Variants in ST3GAL3 observed in about 807,000 individuals in gnomAD.
ST3GAL3 encodes CMP-N-acetylneuraminate-beta-1,4-galactoside alpha-2,3-sialyltransferase.
A neutral mutation model predicts 50.1 loss-of-function variants in ST3GAL3; 21 were observed. The observed-to-expected ratio is 0.42, with a 90% CI of 0.30 to 0.60. The LOEUF is 0.60. Among genes scored for constraint, ST3GAL3 ranks in the 20% least tolerant of loss-of-function variants. The probability of loss-of-function intolerance (pLI) is 0.19; values close to 1 mark genes in which losing one functional copy is unlikely to be tolerated. For missense variants in ST3GAL3, 353 were observed against 489.4 expected, an observed-to-expected ratio of 0.72 and a Z score of 2.63; for synonymous variants, 183 against 190.0, an observed-to-expected ratio of 0.96 and a Z score of 0.30.
intron 3 of ST3GAL3, among the ~76,000 whole-genome samples, chr1:43,808,838 A>G (rs1454910006): frequency 6.6e-6 from 1 of 152,214 alleles, no homozygotes; most frequent in Non-Finnish European, 1.5e-5. Context: ...GGCAGCCAGG[A>G]TAATCCCTAG....
chr1:43,899,152 G>T lies in ST3GAL3; in HGVS notation c.462-16G>T. On this transcript the variant is annotated splice_polypyrimidine_tract_variant and intron_variant, in intron 7 of 11. Coordinates refer to ENST00000347631, the MANE Select transcript of ST3GAL3 (RefSeq NM_006279.5). This position sits in a 1 kb window ranked among gnomAD's most constrained non-coding sequence, Gnocchi z 5.4. ...GGCAGCTCTCTGTACAGAGGTCTCCGCCTCTCTCCCCTCAGCCTCCGCTGC... is the reference window on the plus strand; with the variant it reads ...GGCAGCTCTCTGTACAGAGGTCTCCTCCTCTCTCCCCTCAGCCTCCGCTGC... The T allele has an allele frequency of 4.3e-6, 7 of 1,614,014 alleles. No individual in the cohort carries two copies. Among genetic ancestry groups the T allele is most frequent in the Non-Finnish European group, 5.9e-6 (7 of 1,180,012 alleles).
intron 5 of ST3GAL3, among the ~76,000 whole-genome samples, chr1:43,883,064 G>A (rs949337366): frequency 6.6e-6 from 1 of 151,982 alleles, no homozygotes; most frequent in Non-Finnish European, 1.5e-5. Flanking sequence ...CCAGGCTCAA[G>A]CGGTCCTCCT....
At chr1:43,740,288 G>A (rs1224937276) in intron 2 of ST3GAL3, among the ~76,000 whole-genome samples, 1 of 151,360 alleles carries the variant, frequency 6.6e-6, no homozygotes, top group African/African-American at 2.4e-5. Flanking sequence ...GCTTGAACTC[G>A]GGAGGCAGAG....
chr1:43,861,369 CTG>C (rs2069884856), intron 5 of ST3GAL3, among the ~76,000 whole-genome samples: 1 of 152,044 alleles, frequency 6.6e-6, no homozygotes, highest in Non-Finnish European at 1.5e-5. Context: ...AAGTGTGGTT[CTG>C]TCTTTATGCT....
At chr1:43,809,886 G>A (rs528349650) in intron 3 of ST3GAL3, among the ~76,000 whole-genome samples, 434 of 151,236 alleles carry the variant, frequency 2.9e-3, no homozygotes, top group Non-Finnish European at 4.8e-3. Context: ...CCAGCTACTC[G>A]GGAGGCTGAG....
At chr1:43,842,754 C>T (rs1216591002) in intron 5 of ST3GAL3, 1 of 146,506 alleles carries the variant, frequency 6.8e-6, no homozygotes, top group Non-Finnish European at 1.5e-5. Flanking sequence ...TGTAATGAGC[C>T]GAGATCACGC....
intron 2 of ST3GAL3, 148 bp from the exon 3 acceptor site, chr1:43,791,954 G>T (rs537778059): frequency 1.1e-6 from 1 of 878,850 alleles, no homozygotes; most frequent in Non-Finnish European, 1.9e-6. Context: ...CAGTGGATGG[G>T]TGGGCATGGG....
chr1:43,748,919 CAAAG>C (rs1428837004), intron 2 of ST3GAL3, among the ~76,000 whole-genome samples: 1 of 152,022 alleles, frequency 6.6e-6, no homozygotes, highest in Non-Finnish European at 1.5e-5. Flanking sequence ...TATGAAAACA[CAAAG>C]AATCTAGACT....
At chr1:43,788,989 G>A (rs530153921) in intron 2 of ST3GAL3, among the ~76,000 whole-genome samples, 4 of 151,362 alleles carry the variant, frequency 2.6e-5, no homozygotes, top group Non-Finnish European at 4.4e-5. Flanking sequence ...TGTGTTCAAC[G>A]TCTGAAGACA....
At chr1:43,803,378 A>T (rs970495223) in intron 3 of ST3GAL3, among the ~76,000 whole-genome samples, 4 of 152,040 alleles carry the variant, frequency 2.6e-5, no homozygotes, top group Admixed American at 1.3e-4. Flanking sequence ...CACCTCAAAA[A>T]AAAAAAAAAG....
intron 2 of ST3GAL3, among the ~76,000 whole-genome samples, chr1:43,784,606 G>T (rs1281506956): frequency 6.6e-6 from 1 of 152,186 alleles, no homozygotes; most frequent in Non-Finnish European, 1.5e-5. Context: ...CTCTCTGATG[G>T]TTCAAAAGCT....
At chr1:43,845,941 G>T (rs2066181226) in intron 5 of ST3GAL3, among the ~76,000 whole-genome samples, 1 of 152,080 alleles carries the variant, frequency 6.6e-6, no homozygotes, top group East Asian at 1.9e-4. Flanking sequence ...ATATTTGTGG[G>T]TGTTCCAGAT....
chr1:43,838,047 G>A (rs1162697307), intron 4 of ST3GAL3, among the ~76,000 whole-genome samples, 172 bp from the exon 5 acceptor site: 2 of 136,978 alleles, frequency 1.5e-5, no homozygotes, highest in African/African-American at 2.7e-5. Flanking sequence ...CCCGGGAGGC[G>A]GAGCTTGCAG....
intron 5 of ST3GAL3, chr1:43,839,415 C>G (rs2064982160): frequency 6.6e-6 from 1 of 152,196 alleles, no homozygotes; most frequent in South Asian, 2.1e-4. Flanking sequence ...GCCTATACGA[C>G]TCAGTCCTTA....
At position 43,857,501 on chromosome 1, in the gene ST3GAL3, C is replaced by T. The variant is rs113393110; in HGVS notation, c.302+19190C>T. Reference sequence around the variant, plus strand: ...CTTCCTTCCTTCCTTCCTTCCTTCCCTCTTCCTTCCTTCCTTCCTTCCCTC... The same window carrying T: ...CTTCCTTCCTTCCTTCCTTCCTTCCTTCTTCCTTCCTTCCTTCCTTCCCTC... On this transcript the variant is annotated intron_variant, in intron 5 of 11. Transcript: ENST00000347631. Among the ~76,000 whole-genome samples, 691 of 50,798 alleles carry T rather than the reference C, an allele frequency of 0.014. 12 individuals carry two copies. In the East Asian group the frequency reaches 0.14, roughly 10 times the overall value. The allele number at this position is 50,798 out of a possible 152,430, so 33.3% of individuals were successfully genotyped here.
At chr1:43,726,640 G>T (rs1397831943) in intron 1 of ST3GAL3, among the ~76,000 whole-genome samples, 1 of 152,082 alleles carries the variant, frequency 6.6e-6, no homozygotes, top group African/African-American at 2.4e-5. Context: ...TCTTGTTCAG[G>T]CTGGAGTGCA....
At chr1:43,887,352 G>A (rs911191465) in intron 5 of ST3GAL3, among the ~76,000 whole-genome samples, 4 of 152,310 alleles carry the variant, frequency 2.6e-5, no homozygotes, top group East Asian at 1.9e-4. Flanking sequence ...CAGGACCCTG[G>A]CAAGAGTGAG....
At chr1:43,870,406 G>T (rs1291375993) in intron 5 of ST3GAL3, among the ~76,000 whole-genome samples, 1 of 152,268 alleles carries the variant, frequency 6.6e-6, no homozygotes, top group Non-Finnish European at 1.5e-5. Flanking sequence ...CACAGGCCAT[G>T]CTGGGAGCAG....
chr1:43,739,615 T>C (rs1359470045), intron 2 of ST3GAL3, among the ~76,000 whole-genome samples: 2 of 152,234 alleles, frequency 1.3e-5, no homozygotes, highest in African/African-American at 4.8e-5. Context: ...AAGATGAACA[T>C]AGGCCTTCAT....
Sources: gnomAD v4.1 joint callset for allele counts (sites outside exome capture counted in the v4.1 genomes callset) on GRCh38, gnomAD v4.1.1 for gene constraint, Gnocchi (gnomAD v3.1) non-coding constraint, MANE v1.5 for transcripts, NCBI Gene and HGNC (gene_info 2026-07-23, HGNC 2026-07-21) for gene names.